Variants in RBBP7 observed in about 807,000 individuals in gnomAD.
RBBP7 encodes the protein RB binding protein 7, chromatin remodeling factor.
In RBBP7, 5 loss-of-function variants were observed where a neutral mutation model predicts 35.2. The ratio of observed to expected loss-of-function variants is 0.14; its 90% CI spans 0.07 to 0.30. The LOEUF is 0.30. Ranked by LOEUF, RBBP7 falls within the 10% of genes least tolerant of loss-of-function variation. RBBP7 has a pLI of 1.00. For synonymous variants in RBBP7, 140 were observed against 118.7 expected (o/e 1.18, Z -1.17); for missense variants, 155 against 327.5 (o/e 0.47, Z 4.07).
intron 9 of RBBP7, among the ~76,000 whole-genome samples, chrX:16,850,445 AG>A (rs1420172750): frequency 8.8e-6 from 1 of 113,144 alleles, no homozygotes; most frequent in Non-Finnish European, 1.9e-5. Context: ...TTCAGTTGCC[AG>A]GGCATCAGAC....
At chrX:16,856,539 AC>A (rs1230960536) in intron 5 of RBBP7, among the ~76,000 whole-genome samples, 6 of 97,401 alleles carry the variant, frequency 6.2e-5, no homozygotes, top group Non-Finnish European at 4.4e-5. Context: ...CAAAAAACAA[AC>A]AAAACAACAA....
Position 16,845,899 on chromosome X carries a change from TA to T in RBBP7, c.1137del (p.Phe379LeufsTer90). The T allele has an allele frequency of 8.3e-7, 1 of 1,211,653 alleles. No homozygotes were observed. Among genetic ancestry groups the T allele is most frequent in the Non-Finnish European group, 1.1e-6 (1 of 895,437 alleles). ...HGGHTAKISD[F>X]SWNPNEPWVI... ...ACCCAAGGCTCATTGGGGTTCCAGC[TA>T]AAATCTGAAATCTTAGCAGTGTGTC... On this transcript the variant is annotated frameshift_variant, in exon 11 of 12. Transcript: ENST00000380087. LOFTEE classifies it high-confidence loss of function.
chrX:16,852,764 G>A lies in RBBP7; in HGVS notation c.870C>T (p.Thr290=), dbSNP rs180940768. The change falls in exon 7 of 12, where the codon ACC becomes ACT. Residue 290 remains threonine, a synonymous_variant. Coordinates refer to ENST00000380087, the MANE Select transcript of RBBP7 (RefSeq NM_002893.4). ...ACTTCGAAACCTTATCCGCAGAGCC[G>A]GTGGCTAGAATAAATTCGCTGTAGG... ...FNPYSEFILA[T]GSADKTVALW... 1.1e-5 allele frequency: 13 copies of A among 1,210,777 alleles called. No homozygotes were observed. The East Asian group carries it at 2.4e-4, about 22-fold the overall frequency.
intron 1 of RBBP7, 138 bp downstream of exon 1, chrX:16,869,900 G>GGC: frequency 1.3e-6 from 1 of 782,434 alleles, no homozygotes; most frequent in South Asian, 6.6e-5. Flanking sequence ...GGCCCCTCGA[G>GGC]GCGCGCGCCC....
At chrX:16,869,776 C>A (rs1930729387) in intron 1 of RBBP7, 2 of 945,527 alleles carry the variant, frequency 2.1e-6, no homozygotes, top group Non-Finnish European at 2.6e-6. Context: ...CCGAGGGCGC[C>A]GGAGGGAGCG....
At chrX:16,864,335 C>T (rs187817636) in intron 2 of RBBP7, among the ~76,000 whole-genome samples, 1 of 110,376 alleles carries the variant, frequency 9.1e-6, no homozygotes, top group African/African-American at 3.3e-5. Flanking sequence ...GCCTAGCCAA[C>T]GTGGAGAAAC....
chrX:16,858,443 C>A (rs1163886659), intron 4 of RBBP7, among the ~76,000 whole-genome samples: 2 of 111,910 alleles, frequency 1.8e-5, no homozygotes, highest in African/African-American at 6.5e-5. Flanking sequence ...TGATGTGTAT[C>A]TTTTTCTTCC....
At chrX:16,868,671 T>C (rs1295905157) in intron 2 of RBBP7, among the ~76,000 whole-genome samples, 1 of 112,791 alleles carries the variant, frequency 8.9e-6, no homozygotes, top group Non-Finnish European at 1.9e-5. Context: ...TTATCTTGGA[T>C]GACTGTTACG....
intron 2 of RBBP7, among the ~76,000 whole-genome samples, chrX:16,868,051 C>A (rs956024527): frequency 8.1e-5 from 9 of 111,720 alleles, no homozygotes; most frequent in African/African-American, 2.9e-4. Context: ...TTCATTTAAT[C>A]CTCTTTAAAT....
At chrX:16,858,263 C>G (rs367558822) in intron 4 of RBBP7, among the ~76,000 whole-genome samples, 1 of 111,832 alleles carries the variant, frequency 8.9e-6, no homozygotes, top group Non-Finnish European at 1.9e-5. Flanking sequence ...GATGTGCCCA[C>G]GCCAACAGAC....
chrX:16,853,095 T>C, intron 6 of RBBP7: 1 of 442,006 alleles, frequency 2.3e-6, no homozygotes, highest in Non-Finnish European at 3.7e-6. Flanking sequence ...TAAATTAGAT[T>C]CCTATTTTAA....
intron 10 of RBBP7, chrX:16,848,564 T>C (rs1302890401): frequency 8.9e-6 from 1 of 111,792 alleles, no homozygotes; most frequent in Non-Finnish European, 1.9e-5. Context: ...GTGCCAAAAA[T>C]GAGTACTGGC....
intron 11 of RBBP7, among the ~76,000 whole-genome samples, 184 bp from the exon 12 acceptor site, chrX:16,845,287 G>A (rs1434668041): frequency 7.1e-5 from 8 of 112,362 alleles, no homozygotes; most frequent in Non-Finnish European, 1.5e-4. Flanking sequence ...GTGTAATTCC[G>A]TATGTATACT....
chrX:16,846,102 A>C (rs890610529), intron 10 of RBBP7, 164 bp from the exon 11 acceptor site: 2 of 881,114 alleles, frequency 2.3e-6, no homozygotes, highest in African/African-American at 2.0e-5. Context: ...TTATTTTGCA[A>C]ATTTCCAAAC....
intron 9 of RBBP7, among the ~76,000 whole-genome samples, chrX:16,849,618 C>A (rs891519542): frequency 1.9e-4 from 21 of 111,592 alleles, no homozygotes; most frequent in African/African-American, 5.5e-4. Context: ...GGTGTAAGGA[C>A]GGGATGTTTA....
intron 5 of RBBP7, 119 bp from the exon 6 acceptor site, chrX:16,853,961 C>A (rs777558981): frequency 1.8e-6 from 1 of 562,025 alleles, no homozygotes; most frequent in East Asian, 4.4e-5. Flanking sequence ...CGGCTCACTG[C>A]AGCCTCCGCC....
At position 16,870,261 on chromosome X, in the gene RBBP7, G is replaced by T; in HGVS notation, c.-208C>A. The T allele has an allele frequency of 2.3e-6, 1 of 429,678 alleles. No homozygotes were observed. The allele number at this position is 429,678 out of a possible 1,213,427, so 35.4% of individuals were successfully genotyped here. A position where few individuals can be genotyped will look rare whatever the true frequency, so the allele number is the denominator to read the frequency against. On this transcript the variant is annotated 5_prime_UTR_variant, in exon 1 of 12. Coordinates refer to ENST00000380087, the MANE Select transcript of RBBP7 (RefSeq NM_002893.4). ...CCGCTCGCGGGTACCGAGGTCTGAGGCGCTCTTCTCTCTCTCTCCAAACTT... is the reference window on the plus strand; with the variant it reads ...CCGCTCGCGGGTACCGAGGTCTGAGTCGCTCTTCTCTCTCTCTCCAAACTT...
rs1253885424 is a variant in RBBP7, at chrX:16,864,539, AAAAAAAAAG to A, written c.162-1448_162-1440del. On this transcript the variant is annotated intron_variant, in intron 2 of 11. Transcript: ENST00000380087. The stretch of plus-strand genomic sequence containing the variant: ...AAACTCCGTCTCCAAAAAAAAAAAA[AAAAAAAAAG>A]AAAAAGAAAGAAAACATGGGTCTTG... 7.0e-4 allele frequency among the ~76,000 whole-genome samples: 65 copies of A among 93,496 alleles called. 3 individuals carry two copies. The highest frequency in any genetic ancestry group is 9.0e-4 in the African/African-American group (22 of 24,338). The allele number at this position is 93,496 out of a possible 115,157, so 81.2% of individuals were successfully genotyped here.
At chrX:16,864,153 G>GACAC (rs751321152) in intron 2 of RBBP7, among the ~76,000 whole-genome samples, 1 of 108,908 alleles carries the variant, frequency 9.2e-6, no homozygotes, top group Non-Finnish European at 1.9e-5. Context: ...ATGGAGAAGA[G>GACAC]ACACACACAC....
Sources: gnomAD v4.1 joint callset for allele counts (sites outside exome capture counted in the v4.1 genomes callset) on GRCh38, gnomAD v4.1.1 for gene constraint, MANE v1.5 for transcripts, NCBI Gene and HGNC (gene_info 2026-07-23, HGNC 2026-07-21) for gene names.